MAGI1: variants seen among roughly 807,000 people sequenced by gnomAD.
The protein encoded by MAGI1 is membrane associated guanylate kinase, WW and PDZ domain containing 1, also known as membrane-associated guanylate kinase, WW and PDZ domain-containing protein 1.
MAGI1 carries 58 observed loss-of-function variants against 139.9 expected under a neutral mutation model. The observed-to-expected ratio is 0.41, with a 90% CI of 0.34 to 0.52. MAGI1 has a LOEUF of 0.52. MAGI1 is among the 20% of genes least tolerant of loss of function. MAGI1 has a pLI of 0.12. For missense variants in MAGI1, 1,874 were observed against 1,901.6 expected (o/e 0.99, Z 0.27); for synonymous variants, 812 against 737.9 (o/e 1.10, Z -1.63).
intron 1 of MAGI1, among the ~76,000 whole-genome samples, chr3:65,720,512 A>C (rs2032877695): frequency 6.6e-6 from 1 of 152,078 alleles, no homozygotes; most frequent in African/African-American, 2.4e-5. Flanking sequence ...TCCCCTAACC[A>C]ATCCTTGACT....
At chr3:65,401,829 T>G (rs58137985) in intron 12 of MAGI1, 1 of 1,273,628 alleles carries the variant, frequency 7.9e-7, no homozygotes, top group Non-Finnish European at 1.0e-6. Flanking sequence ...TAAGTCCAGG[T>G]TATTTCCTTT....
intron 1 of MAGI1, among the ~76,000 whole-genome samples, chr3:65,683,311 T>C (rs2087725808): frequency 6.6e-6 from 1 of 152,208 alleles, no homozygotes; most frequent in South Asian, 2.1e-4. Context: ...TAATGATGTG[T>C]CAGTGTATGT....
chr3:65,867,759 G>A (rs4611851), intron 1 of MAGI1, among the ~76,000 whole-genome samples: 1 of 151,842 alleles, frequency 6.6e-6, no homozygotes, highest in African/African-American at 2.4e-5. Context: ...AATCAAAAAA[G>A]GGGTGGGAGT....
intron 5 of MAGI1, among the ~76,000 whole-genome samples, chr3:65,461,746 C>A (rs1406421134): frequency 6.6e-6 from 1 of 152,220 alleles, no homozygotes; most frequent in East Asian, 1.9e-4. Context: ...CCTCAGCCTC[C>A]CAAAGTACTG....
chr3:65,468,947 C>CAATAAATAAATAAATAAATAAATA (rs141122582), intron 5 of MAGI1, among the ~76,000 whole-genome samples: 4 of 134,714 alleles, frequency 3.0e-5, no homozygotes, highest in Non-Finnish European at 4.7e-5. Flanking sequence ...GGAAGGGAAA[C>CAATAAATAAATAAATAAATAAATA]AATAAATAAA....
chr3:65,364,139 G>A lies in MAGI1; in HGVS notation c.3351+526C>T, dbSNP rs1370130439. 2.0e-5 allele frequency among the ~76,000 whole-genome samples: 3 copies of A among 147,150 alleles called. No individual in the cohort carries two copies. In the East Asian group the frequency reaches 6.1e-4, roughly 30 times the overall value. Reference sequence around the variant, plus strand: ...AGCCCAGGAGTTTCAGTCCAGTCTGGGCAGCACAGTGAGACCCCTGTCTCT... The same window carrying A: ...AGCCCAGGAGTTTCAGTCCAGTCTGAGCAGCACAGTGAGACCCCTGTCTCT... On this transcript the variant is annotated intron_variant, in intron 20 of 22. Transcript: ENST00000402939.
At chr3:65,824,434 A>G (rs1329466740) in intron 1 of MAGI1, among the ~76,000 whole-genome samples, 1 of 152,222 alleles carries the variant, frequency 6.6e-6, no homozygotes, top group Non-Finnish European at 1.5e-5. Context: ...GAGAAAAACG[A>G]GGGGCCCAGC....
At chr3:66,032,316 A>G (rs1311319780) in intron 1 of MAGI1, among the ~76,000 whole-genome samples, 1 of 150,950 alleles carries the variant, frequency 6.6e-6, no homozygotes, top group Non-Finnish European at 1.5e-5. Flanking sequence ...GGTTCAAGCA[A>G]TTCTCTGCCT....
intron 17 of MAGI1, among the ~76,000 whole-genome samples, chr3:65,378,667 T>TCTTTC (rs1207016253): frequency 2.0e-5 from 3 of 151,202 alleles, no homozygotes; most frequent in Non-Finnish European, 4.4e-5. Context: ...AAATTTCTTT[T>TCTTTC]CTTTCCTTTC....
chr3:65,398,101 G>A (rs1944536702), intron 13 of MAGI1, among the ~76,000 whole-genome samples: 1 of 151,966 alleles, frequency 6.6e-6, no homozygotes, highest in South Asian at 2.1e-4. Context: ...ATTTATTATA[G>A]TATTTCCAGT....
At chr3:65,553,412 G>GA (rs76730556) in intron 2 of MAGI1, among the ~76,000 whole-genome samples, 3 of 151,732 alleles carry the variant, frequency 2.0e-5, no homozygotes, top group Admixed American at 6.6e-5. Context: ...GTTTGGCTTT[G>GA]AAAAAAAAAT....
intron 3 of MAGI1, among the ~76,000 whole-genome samples, chr3:65,484,463 G>A (rs1298445475): frequency 1.3e-5 from 2 of 152,106 alleles, no homozygotes; most frequent in African/African-American, 4.8e-5. Flanking sequence ...GGCAAAAATT[G>A]TTTTCTTTTT....
chr3:65,699,519 C>A (rs1391411346), intron 1 of MAGI1, among the ~76,000 whole-genome samples: 2 of 140,332 alleles, frequency 1.4e-5, no homozygotes, highest in East Asian at 4.3e-4. Context: ...AAATGTGGCA[C>A]ATATACACCA....
chr3:65,682,605 T>G (rs1377219379), intron 1 of MAGI1, among the ~76,000 whole-genome samples: 2 of 152,178 alleles, frequency 1.3e-5, no homozygotes, highest in African/African-American at 4.8e-5. Flanking sequence ...GCATGGCTCA[T>G]GCACCTAAAT....
In MAGI1 at chr3:65,357,066, G is replaced by A; in HGVS notation, c.3701C>T (p.Pro1234Leu). ...PQGVPEVRAG[P>L]DRRQHPSLES... ...CAATGACGGATGCTGCCGGCGGTCG[G>A]GCCCGGCCCTCACTTCCGGAACACC... Residue 1234 changes from proline to leucine, a missense_variant, in exon 23 of 23, where the codon CCC (proline) becomes CTC (leucine). This residue lies in a region of MAGI1 where 653 missense variants were observed against 644.5 expected (regional missense o/e 1.01). Coordinates refer to ENST00000402939, the MANE Select transcript of MAGI1 (RefSeq NM_001033057.2). The A allele has an allele frequency of 1.2e-6, 2 of 1,614,112 alleles. No homozygotes were observed. Among genetic ancestry groups the A allele is most frequent in the South Asian group, 1.1e-5 (1 of 91,076 alleles).
chr3:65,585,798 T>A (rs1456783874), intron 2 of MAGI1, among the ~76,000 whole-genome samples: 2 of 152,270 alleles, frequency 1.3e-5, no homozygotes, highest in East Asian at 3.9e-4. Context: ...TATTCTTAAT[T>A]CCCAAAAATG....
chr3:66,036,548 T>A (rs1234088806), intron 1 of MAGI1, among the ~76,000 whole-genome samples: 1 of 152,144 alleles, frequency 6.6e-6, no homozygotes, highest in East Asian at 1.9e-4. Flanking sequence ...GGAGGAGGTA[T>A]CCCAGTGGAG....
At chr3:66,023,583 A>G (rs1205758925) in intron 1 of MAGI1, among the ~76,000 whole-genome samples, 4 of 152,236 alleles carry the variant, frequency 2.6e-5, no homozygotes, top group African/African-American at 9.6e-5. Flanking sequence ...ACTGAAAAAC[A>G]GATGACTACC....
At chr3:65,866,230 A>T (rs7617827) in intron 1 of MAGI1, among the ~76,000 whole-genome samples, 4 of 148,188 alleles carry the variant, frequency 2.7e-5, no homozygotes, top group African/African-American at 1.0e-4. Context: ...TTTTTTTTTT[A>T]ACAGACAGAG....
Sources: allele counts gnomAD v4.1 joint callset (sites outside exome capture counted in the v4.1 genomes callset), GRCh38; gene constraint gnomAD v4.1.1; regional missense constraint gnomAD v4.1.1; transcripts MANE v1.5; gene names NCBI Gene and HGNC (gene_info 2026-07-23, HGNC 2026-07-21).